Variants in CTNNA2 observed in about 807,000 individuals in gnomAD.
The protein encoded by CTNNA2 is catenin alpha 2.
CTNNA2 carries 42 observed loss-of-function variants against 101.0 expected under a neutral mutation model. That is an observed-to-expected ratio of 0.42 (90% CI 0.32 to 0.54). The LOEUF (loss-of-function observed/expected upper bound fraction) is 0.54. CTNNA2 is among the 20% of genes least tolerant of loss of function. The probability of loss-of-function intolerance (pLI) is 0.14; values close to 1 mark genes in which losing one functional copy is unlikely to be tolerated. For synonymous variants in CTNNA2, 450 were observed against 456.4 expected (o/e 0.99, Z 0.18); for missense variants, 871 against 1,223.1 (o/e 0.71, Z 4.29).
At chr2:80,296,871 G>A (rs1675793529) in intron 7 of CTNNA2, among the ~76,000 whole-genome samples, 2 of 152,146 alleles carry the variant, frequency 1.3e-5, no homozygotes, top group Non-Finnish European at 2.9e-5. Context: ...ACAAGTAAAT[G>A]TCTACTGGGT....
intron 4 of CTNNA2, among the ~76,000 whole-genome samples, chr2:79,409,356 A>G (rs372462139): frequency 5.9e-5 from 9 of 152,084 alleles, no homozygotes; most frequent in Non-Finnish European, 1.3e-4. Context: ...TTGGTGTTTT[A>G]GACATGAAGT....
chr2:80,574,941 A>G (rs1343072418), intron 13 of CTNNA2, among the ~76,000 whole-genome samples: 1 of 152,202 alleles, frequency 6.6e-6, no homozygotes, highest in African/African-American at 2.4e-5. Flanking sequence ...AGTTGATTTA[A>G]AAACTCATAC....
intron 7 of CTNNA2, among the ~76,000 whole-genome samples, chr2:80,300,361 CTT>C (rs1676171026): frequency 1.4e-5 from 2 of 147,262 alleles, no homozygotes; most frequent in African/African-American, 5.0e-5. Flanking sequence ...GGCTTAACAT[CTT>C]AAAAGACATT....
At chr2:79,844,003 T>C (rs1008058493) in intron 3 of CTNNA2, among the ~76,000 whole-genome samples, 2 of 152,214 alleles carry the variant, frequency 1.3e-5, no homozygotes, top group Non-Finnish European at 2.9e-5. Flanking sequence ...AGTTAAATTG[T>C]ACTCCCAATG....
At chr2:79,252,972 G>A (rs1332546940) in intron 2 of CTNNA2, among the ~76,000 whole-genome samples, 1 of 152,154 alleles carries the variant, frequency 6.6e-6, no homozygotes, top group East Asian at 1.9e-4. Flanking sequence ...TAAGGGTGGA[G>A]CATGTTAACA....
chr2:79,784,877 G>T (rs1185336416), intron 3 of CTNNA2, among the ~76,000 whole-genome samples: 1 of 151,990 alleles, frequency 6.6e-6, no homozygotes, highest in Non-Finnish European at 1.5e-5. Flanking sequence ...AAAAACAGGC[G>T]AAACTTACTT....
At chr2:80,497,887 A>C (rs193156456) in intron 9 of CTNNA2, among the ~76,000 whole-genome samples, 2 of 152,248 alleles carry the variant, frequency 1.3e-5, no homozygotes, top group African/African-American at 4.8e-5. Context: ...GTGAGCTTGG[A>C]AGGGGCCTCA....
At chr2:80,280,659 G>A (rs923561216) in intron 7 of CTNNA2, among the ~76,000 whole-genome samples, 1 of 151,984 alleles carries the variant, frequency 6.6e-6, no homozygotes, top group African/African-American at 2.4e-5. Context: ...CACAGTCAAG[G>A]GTGGTCCAAA....
chr2:79,982,306 A>AC, intron 7 of CTNNA2, among the ~76,000 whole-genome samples: 3 of 135,598 alleles, frequency 2.2e-5, no homozygotes, highest in Admixed American at 1.5e-4. Flanking sequence ...ACATATATAA[A>AC]ACATATATAA....
intron 7 of CTNNA2, among the ~76,000 whole-genome samples, chr2:80,083,744 T>C (rs1699282479): frequency 6.6e-6 from 1 of 152,170 alleles, no homozygotes; most frequent in African/African-American, 2.4e-5. Context: ...ATTTCTTACT[T>C]CCTATATTAT....
intron 7 of CTNNA2, among the ~76,000 whole-genome samples, chr2:80,382,493 T>C (rs144727825): frequency 5.6e-4 from 86 of 152,362 alleles, no homozygotes; most frequent in African/African-American, 1.8e-3. Context: ...TATAGAATTA[T>C]TTCCTTGGTG....
chr2:80,396,805 A>G (rs536673726), intron 8 of CTNNA2, among the ~76,000 whole-genome samples: 1 of 152,150 alleles, frequency 6.6e-6, no homozygotes, highest in South Asian at 2.1e-4. Flanking sequence ...TCACTCCCCA[A>G]ACAAATCAAA....
At chr2:80,640,171 C>G (rs1438401835) in intron 18 of CTNNA2, among the ~76,000 whole-genome samples, 2 of 152,062 alleles carry the variant, frequency 1.3e-5, no homozygotes, top group Non-Finnish European at 2.9e-5. Context: ...AGAAATCAAA[C>G]AATTCAAATA....
intron 1 of CTNNA2, among the ~76,000 whole-genome samples, chr2:79,552,805 T>A (rs1674196764): frequency 6.6e-6 from 1 of 152,184 alleles, no homozygotes; most frequent in Non-Finnish European, 1.5e-5. Context: ...CCAGGCATTA[T>A]TTTTTGAGGC....
intron 3 of CTNNA2, among the ~76,000 whole-genome samples, chr2:79,807,131 T>G (rs1676641123): frequency 6.6e-6 from 1 of 152,168 alleles, no homozygotes; most frequent in African/African-American, 2.4e-5. Flanking sequence ...CTTTGATCCC[T>G]TAAGAACACT....
intron 7 of CTNNA2, among the ~76,000 whole-genome samples, chr2:80,126,337 C>G (rs1385889803): frequency 6.6e-6 from 1 of 151,862 alleles, no homozygotes; most frequent in Non-Finnish European, 1.5e-5. Flanking sequence ...TGCATGACCC[C>G]CTCCTCTCCC....
intron 7 of CTNNA2, among the ~76,000 whole-genome samples, chr2:80,011,105 C>A (rs1352768367): frequency 2.6e-5 from 4 of 152,138 alleles, no homozygotes; most frequent in Non-Finnish European, 5.9e-5. Context: ...CTCTTACAGA[C>A]TCATTTTTAC....
chr2:79,302,663 C>CTA (rs1676140467), intron 2 of CTNNA2, among the ~76,000 whole-genome samples: 2 of 152,056 alleles, frequency 1.3e-5, no homozygotes, highest in African/African-American at 2.4e-5. Flanking sequence ...TTTCAAGTAC[C>CTA]ATGCAAATTA....
At chr2:80,210,382 G>A (rs565106717) in intron 7 of CTNNA2, among the ~76,000 whole-genome samples, 24 of 151,628 alleles carry the variant, frequency 1.6e-4, no homozygotes, top group African/African-American at 4.8e-4. Flanking sequence ...CCCCATGACA[G>A]GCCCCAGTAT....
Sources: gnomAD v4.1 joint callset for allele counts (sites outside exome capture counted in the v4.1 genomes callset) on GRCh38, gnomAD v4.1.1 for gene constraint, MANE v1.5 for transcripts, NCBI Gene and HGNC (gene_info 2026-07-23, HGNC 2026-07-21) for gene names.